The following ASRGL1 variants were observed in gnomAD, a reference collection of about 807,000 sequenced individuals.
ASRGL1 encodes asparaginase and isoaspartyl peptidase 1, also known as isoaspartyl peptidase/L-asparaginase.
A neutral mutation model predicts 22.4 loss-of-function variants in ASRGL1; 16 were observed. The observed-to-expected ratio is 0.71, with a 90% confidence interval of 0.48 to 1.08. The LOEUF (loss-of-function observed/expected upper bound fraction) is 1.08. Ranked by LOEUF, ASRGL1 falls within the 50% of genes least tolerant of loss-of-function variation. ASRGL1 has a pLI of 0.00. For synonymous variants in ASRGL1, 165 were observed against 159.3 expected, an observed-to-expected ratio of 1.04 and a Z score of -0.27; for missense variants, 412 against 410.1, an observed-to-expected ratio of 1.00 and a Z score of -0.04.
intron 4 of ASRGL1, among the ~76,000 whole-genome samples, chr11:62,360,762 G>A (rs777405289): frequency 2.0e-5 from 3 of 152,072 alleles, no homozygotes; most frequent in Admixed American, 1.3e-4. Context: ...CTTTACTAAC[G>A]GAAGATTTAA....
intron 4 of ASRGL1, among the ~76,000 whole-genome samples, chr11:62,369,235 CT>C (rs1049790228): frequency 6.6e-6 from 1 of 151,982 alleles, no homozygotes; most frequent in Non-Finnish European, 1.5e-5. Context: ...CCTTCAAGCA[CT>C]TTTTTTTAAC....
downstream of ASRGL1, among the ~76,000 whole-genome samples, chr11:62,396,243 TG>T (rs1947431451): frequency 6.8e-6 from 1 of 146,076 alleles, no homozygotes; most frequent in African/African-American, 2.5e-5. Flanking sequence ...AGTATGGGCC[TG>T]GAACACAGTG....
chr11:62,391,421 G>C (rs773425671), intron 5 of ASRGL1, 101 bp from the exon 6 acceptor site: 74 of 1,463,650 alleles, frequency 5.1e-5, no homozygotes, highest in Admixed American at 3.6e-4. Context: ...GTCGGTACTT[G>C]AGCACCCTTC....
intron 4 of ASRGL1, among the ~76,000 whole-genome samples, chr11:62,366,635 T>C (rs1946617194): frequency 6.6e-6 from 1 of 152,034 alleles, no homozygotes; most frequent in African/African-American, 2.4e-5. Flanking sequence ...TTGAATTATT[T>C]TTTCCCTTTC....
At chr11:62,358,670 T>C (rs1383547142) in intron 4 of ASRGL1, among the ~76,000 whole-genome samples, 3 of 152,196 alleles carry the variant, frequency 2.0e-5, no homozygotes, top group African/African-American at 7.2e-5. Flanking sequence ...ATAGGACCCC[T>C]TTGTCACTCA....
intron 2 of ASRGL1, among the ~76,000 whole-genome samples, chr11:62,347,379 A>AGG (rs1413673846): frequency 2.6e-5 from 4 of 152,126 alleles, no homozygotes; most frequent in Non-Finnish European, 4.4e-5. Flanking sequence ...TTCCTCGGAG[A>AGG]TAGAGGGGTG....
chr11:62,356,161 C>T (rs571492284), intron 2 of ASRGL1, among the ~76,000 whole-genome samples, 164 bp from the exon 3 acceptor site: 1 of 152,194 alleles, frequency 6.6e-6, no homozygotes, highest in African/African-American at 2.4e-5. Context: ...AGGGTGGTGG[C>T]GGGGCAGAGG....
chr11:62,362,616 T>TATATAAA (rs1946485797), intron 4 of ASRGL1, among the ~76,000 whole-genome samples: 1 of 58,438 alleles, frequency 1.7e-5, no homozygotes, highest in Non-Finnish European at 3.2e-5. Flanking sequence ...AAATATATAT[T>TATATAAA]ATATATTATA....
chr11:62,364,514 A>C (rs1946563583), intron 4 of ASRGL1, among the ~76,000 whole-genome samples: 1 of 152,210 alleles, frequency 6.6e-6, no homozygotes, highest in Non-Finnish European at 1.5e-5. Flanking sequence ...AAGGAAATGA[A>C]ATCACCATTT....
At chr11:62,384,026 ACGTGTGTG>A (rs941405452) in intron 4 of ASRGL1, among the ~76,000 whole-genome samples, 2 of 136,134 alleles carry the variant, frequency 1.5e-5, no homozygotes, top group Non-Finnish European at 3.2e-5. Flanking sequence ...GTGTGTGTGC[ACGTGTGTG>A]CGTGTGTGTG....
chr11:62,356,848 C>T (rs1946308949), intron 3 of ASRGL1, 139 bp from the exon 4 acceptor site: 2 of 1,135,750 alleles, frequency 1.8e-6, no homozygotes, highest in African/African-American at 3.2e-5. Context: ...TTTCAGCATA[C>T]AGAAAAGCAA....
intron 4 of ASRGL1, among the ~76,000 whole-genome samples, chr11:62,383,986 C>T (rs1165767928): frequency 3.7e-4 from 55 of 150,282 alleles, no homozygotes. Flanking sequence ...AAATACATAA[C>T]TTATTAAATG....
chr11:62,381,701 T>G (rs1947072014), intron 4 of ASRGL1: 1 of 152,156 alleles, frequency 6.6e-6, no homozygotes, highest in Admixed American at 6.5e-5. Context: ...ATTAGATTTT[T>G]TTGTAGAGAC....
At position 62,391,514 on chromosome 11, in the gene ASRGL1, T is replaced by A; in HGVS notation, c.611-8T>A. 6.2e-7 allele frequency: 1 copy of A among 1,606,510 alleles called. No homozygotes were observed. ...TTACTGCTCAGAACAATCACCCTTTTTGAGCAGGAGCTGGAGGTTATGCCG... is the reference window on the plus strand; with the variant it reads ...TTACTGCTCAGAACAATCACCCTTTATGAGCAGGAGCTGGAGGTTATGCCG... On this transcript the variant is annotated splice_polypyrimidine_tract_variant and splice_region_variant and intron_variant, in intron 5 of 6. Transcript: ENST00000415229.
intron 2 of ASRGL1, among the ~76,000 whole-genome samples, chr11:62,339,825 G>A (rs1945820885): frequency 6.6e-6 from 1 of 152,150 alleles, no homozygotes; most frequent in South Asian, 2.1e-4. Flanking sequence ...CTAAGATCTA[G>A]GCTAGAGATT....
downstream of ASRGL1, among the ~76,000 whole-genome samples, chr11:62,395,470 G>A (rs565409213): frequency 1.3e-5 from 2 of 152,262 alleles, no homozygotes; most frequent in East Asian, 3.9e-4. Context: ...AGAGTCCTGG[G>A]TAAGGAAGGG....
At chr11:62,337,720 C>A (rs1945756160) in intron 1 of ASRGL1, 146 bp downstream of exon 1, 1 of 356,020 alleles carries the variant, frequency 2.8e-6, no homozygotes, top group South Asian at 9.8e-5. Context: ...CGCGGGTTAA[C>A]GTCCCCGGGG....
rs746791738 is a variant in ASRGL1, at chr11:62,389,419, G to C, written c.610+168G>C. ...ATGGGGTTGGAAGGGGTTGTTCGGG[G>C]TGCTGCCTTGAGAGGGTGTTTGTAT... On this transcript the variant is annotated intron_variant, in intron 5 of 6. Coordinates refer to ENST00000415229, the MANE Select transcript of ASRGL1 (RefSeq NM_001083926.2). 20 of 731,770 alleles carry C rather than the reference G, an allele frequency of 2.7e-5. No homozygotes were observed. The Admixed American group carries it at 4.0e-4, about 15-fold the overall frequency. The allele number at this position is 731,770 out of a possible 1,614,324, so 45.3% of individuals were successfully genotyped here. A position where few individuals can be genotyped will look rare whatever the true frequency, so the allele number is the denominator to read the frequency against.
At chr11:62,356,848 C>A in intron 3 of ASRGL1, 139 bp from the exon 4 acceptor site, 1 of 1,135,868 alleles carries the variant, frequency 8.8e-7, no homozygotes, top group Non-Finnish European at 1.2e-6. Flanking sequence ...TTTCAGCATA[C>A]AGAAAAGCAA....
Sources: gnomAD v4.1 joint callset for allele counts (sites outside exome capture counted in the v4.1 genomes callset) on GRCh38, gnomAD v4.1.1 for gene constraint, MANE v1.5 for transcripts, NCBI Gene and HGNC (gene_info 2026-07-23, HGNC 2026-07-21) for gene names.